KIAA0513: variants seen among roughly 807,000 people sequenced by gnomAD.
KIAA0513 encodes uncharacterized protein KIAA0513.
In KIAA0513, 39 loss-of-function variants were observed where a neutral mutation model predicts 56.5. The ratio of observed to expected loss-of-function variants is 0.69; its 90% confidence interval spans 0.53 to 0.90. The LOEUF (loss-of-function observed/expected upper bound fraction) is 0.90. KIAA0513 is among the 40% of genes least tolerant of loss of function. The pLI is 0.00. For synonymous variants in KIAA0513, 268 were observed against 215.6 expected, an observed-to-expected ratio of 1.24 and a Z score of -2.13; for missense variants, 591 against 535.2, an observed-to-expected ratio of 1.10 and a Z score of -1.03.
intron 1 of KIAA0513, among the ~76,000 whole-genome samples, chr16:85,033,133 C>A (rs552888431): frequency 6.6e-6 from 1 of 152,152 alleles, no homozygotes; most frequent in African/African-American, 2.4e-5. Flanking sequence ...GACGTTTTTA[C>A]GAGAAGCATT....
Position 85,086,669 on chromosome 16 carries a change from G to A in KIAA0513, c.1036G>A (p.Glu346Lys). 6.2e-7 allele frequency: 1 copy of A among 1,613,916 alleles called. No individual in the cohort carries two copies. The highest frequency in any genetic ancestry group is 8.5e-7 in the Non-Finnish European group (1 of 1,180,012). Residue 346 changes from glutamate (E) to lysine (K), a missense_variant, in exon 11 of 13, where the codon GAG becomes AAG. Physicochemically the swap from Glu to Lys is moderately conservative, Grantham distance 56. Coordinates refer to ENST00000683363, the MANE Select transcript of KIAA0513 (RefSeq NM_001388359.1). ...GGAGAAGTGGTGCCACATGACCCAG[G>A]AGGAGCGCGACGACAGCCTCCGGTT... ...KREKWCHMTQ[E>K]ERDDSLRFNE... is the part of the protein sequence containing the mutation.
intron 1 of KIAA0513, among the ~76,000 whole-genome samples, chr16:85,051,125 G>A (rs1280249810): frequency 2.6e-5 from 4 of 152,148 alleles, no homozygotes; most frequent in East Asian, 1.9e-4. Flanking sequence ...CAGCCTGGGC[G>A]ACAGAGTGAG....
chr16:85,034,466 G>C (rs1007966324), intron 1 of KIAA0513, among the ~76,000 whole-genome samples: 2 of 152,182 alleles, frequency 1.3e-5, no homozygotes, highest in Non-Finnish European at 1.5e-5. Context: ...TAGCAGAAAT[G>C]AGTCTGTAGA....
At chr16:85,066,514 C>G (rs1449214157) in intron 1 of KIAA0513, among the ~76,000 whole-genome samples, 2 of 152,142 alleles carry the variant, frequency 1.3e-5, no homozygotes, top group Non-Finnish European at 2.9e-5. Flanking sequence ...TAGGGAGGTT[C>G]TTCCGTAGCC....
At chr16:85,051,842 C>T (rs1223843267) in intron 1 of KIAA0513, among the ~76,000 whole-genome samples, 1 of 150,130 alleles carries the variant, frequency 6.7e-6, no homozygotes, top group Non-Finnish European at 1.5e-5. Flanking sequence ...TTTTAAGAGA[C>T]GGGGTCTTGC....
At chr16:85,058,117 C>T (rs372604991) in intron 1 of KIAA0513, among the ~76,000 whole-genome samples, 3 of 152,314 alleles carry the variant, frequency 2.0e-5, no homozygotes, top group East Asian at 3.9e-4. Flanking sequence ...CAAATCAGAA[C>T]CTCGGCACTT....
At chr16:85,057,783 T>TC (rs1298152632) in intron 1 of KIAA0513, among the ~76,000 whole-genome samples, 3 of 148,294 alleles carry the variant, frequency 2.0e-5, no homozygotes, top group South Asian at 2.1e-4. Context: ...TTTTTTTTTT[T>TC]CTCTCTCTCT....
At chr16:85,087,346 G>T (rs1190652348) in intron 12 of KIAA0513, among the ~76,000 whole-genome samples, 180 bp downstream of exon 12, 1 of 152,218 alleles carries the variant, frequency 6.6e-6, no homozygotes, top group African/African-American at 2.4e-5. Context: ...AGACGCACAG[G>T]ACACCTCTCG....
In KIAA0513 at chr16:85,088,465, T is replaced by A; in HGVS notation, c.*140T>A. ...ACTCCTGCTGCCCTAGAACTAGCGG[T>A]TAGAAGAATCCGCTGTTCCTCCCTC... On this transcript the variant is annotated 3_prime_UTR_variant, in exon 13 of 13. Coordinates refer to ENST00000683363, the MANE Select transcript of KIAA0513 (RefSeq NM_001388359.1). 1 of 674,510 alleles carries A rather than the reference T, an allele frequency of 1.5e-6. No homozygotes were observed. The allele number at this position is 674,510 out of a possible 1,614,324, so 41.8% of individuals were successfully genotyped here.
intron 6 of KIAA0513, 64 bp downstream of exon 6, chr16:85,077,696 G>A (rs2073678921): frequency 2.6e-5 from 33 of 1,284,476 alleles, no homozygotes; most frequent in Middle Eastern, 2.4e-4. Flanking sequence ...TGTGGAGCTC[G>A]GACGGGGGCA....
chr16:85,067,370 G>T lies in KIAA0513; in HGVS notation c.299G>T (p.Arg100Leu), dbSNP rs4783121. 2.5e-6 allele frequency: 4 copies of T among 1,605,788 alleles called. No homozygotes were observed. The highest frequency in any genetic ancestry group is 1.3e-5 in the African/African-American group (1 of 75,052). ...EETLALRDFMRGYVEKIFSGG... is the reference protein window; with the variant it reads ...EETLALRDFMLGYVEKIFSGG... Reference sequence around the variant, plus strand: ...ACCCTGGCACTCAGGGACTTCATGCGTGGCTACGTGGAGAAGATCTTCTCT... The same window carrying T: ...ACCCTGGCACTCAGGGACTTCATGCTTGGCTACGTGGAGAAGATCTTCTCT... The change falls in exon 2 of 13, where the codon CGT becomes CTT. Residue 100 changes from arginine to leucine, a missense_variant. Coordinates refer to ENST00000683363, the MANE Select transcript of KIAA0513 (RefSeq NM_001388359.1).
intron 1 of KIAA0513, among the ~76,000 whole-genome samples, chr16:85,052,193 G>A (rs9934629): frequency 0.33 from 50,298 of 151,754 alleles, 9,620 homozygotes; most frequent in African/African-American, 0.52. Flanking sequence ...GGTGGCACAC[G>A]CCTGTAGTCC....
At chr16:85,080,163 G>C (rs1296831259) in intron 8 of KIAA0513, among the ~76,000 whole-genome samples, 4 of 137,688 alleles carry the variant, frequency 2.9e-5, no homozygotes, top group South Asian at 2.4e-4. Flanking sequence ...GCTGGACCCG[G>C]TTCCCATGGA....
chr16:85,068,833 C>G (rs184441702), intron 2 of KIAA0513, among the ~76,000 whole-genome samples: 238 of 152,276 alleles, frequency 1.6e-3, no homozygotes, highest in African/African-American at 5.4e-3. Context: ...CAACGCTTGT[C>G]TCACCTCATT....
At chr16:85,061,195 C>G (rs188885640) in intron 1 of KIAA0513, among the ~76,000 whole-genome samples, 21 of 152,168 alleles carry the variant, frequency 1.4e-4, no homozygotes, top group African/African-American at 4.8e-4. Context: ...AGGTAAAAGC[C>G]CACCAAGTAT....
At chr16:85,037,385 G>A (rs573547312) in intron 1 of KIAA0513, among the ~76,000 whole-genome samples, 1 of 152,220 alleles carries the variant, frequency 6.6e-6, no homozygotes, top group South Asian at 2.1e-4. Flanking sequence ...AACCTAGGAC[G>A]CTAGGATACA....
At position 85,081,503 on chromosome 16, in the gene KIAA0513, T is replaced by C. The variant is rs2073743659; in HGVS notation, c.980+111T>C. 1.0e-6 allele frequency: 1 copy of C among 980,876 alleles called. No individual in the cohort carries two copies. Among genetic ancestry groups the C allele is most frequent in the Non-Finnish European group, 1.6e-6 (1 of 632,362 alleles). The allele number at this position is 980,876 out of a possible 1,614,324, so 60.8% of individuals were successfully genotyped here. Reference sequence around the variant, plus strand: ...AAGAGCAGCTGAGTGGACGTGTCTGTTTTTTCTTCACCCCCTCATGGCCCT... The same window carrying C: ...AAGAGCAGCTGAGTGGACGTGTCTGCTTTTTCTTCACCCCCTCATGGCCCT... On this transcript the variant is annotated intron_variant, in intron 9 of 12. Coordinates refer to ENST00000683363, the MANE Select transcript of KIAA0513 (RefSeq NM_001388359.1). This position sits in a 1 kb window ranked among gnomAD's most constrained non-coding sequence, Gnocchi z 4.4.
intron 1 of KIAA0513, among the ~76,000 whole-genome samples, chr16:85,040,928 C>T (rs144995807): frequency 2.0e-5 from 3 of 152,312 alleles, no homozygotes; most frequent in South Asian, 2.1e-4. Context: ...TCTTTCTTTT[C>T]GCTCACATGC....
chr16:85,065,565 G>T (rs145040893), intron 1 of KIAA0513, among the ~76,000 whole-genome samples: 5 of 152,330 alleles, frequency 3.3e-5, no homozygotes, highest in Admixed American at 2.0e-4. Flanking sequence ...AGAATTTGGA[G>T]GAATCCATCA....
Sources: allele counts gnomAD v4.1 joint callset (sites outside exome capture counted in the v4.1 genomes callset), GRCh38; gene constraint gnomAD v4.1.1; non-coding constraint Gnocchi (gnomAD v3.1); transcripts MANE v1.5; gene names NCBI Gene and HGNC (gene_info 2026-07-23, HGNC 2026-07-21).